CPVL: variants seen among roughly 807,000 people sequenced by gnomAD.
CPVL encodes the protein probable serine carboxypeptidase CPVL.
CPVL carries 51 observed loss-of-function variants against 63.7 expected under a neutral mutation model. The observed-to-expected ratio is 0.80, with a 90% CI of 0.64 to 1.01. The LOEUF is 1.01. Among genes scored for constraint, CPVL ranks in the 50% least tolerant of loss-of-function variants. The pLI, the probability that CPVL is intolerant of heterozygous loss-of-function variation, is 0.00. For missense variants in CPVL, 530 were observed against 573.1 expected, an observed-to-expected ratio of 0.92 and a Z score of 0.77; for synonymous variants, 195 against 206.0, an observed-to-expected ratio of 0.95 and a Z score of 0.46.
At chr7:29,113,517 T>C (rs950406591) in intron 2 of CPVL, among the ~76,000 whole-genome samples, 2 of 152,042 alleles carry the variant, frequency 1.3e-5, no homozygotes, top group African/African-American at 2.4e-5. Flanking sequence ...GAAGGAGTAA[T>C]TGGGGATGCT....
intron 4 of CPVL, among the ~76,000 whole-genome samples, chr7:29,183,549 G>T (rs1486991042): frequency 6.6e-6 from 1 of 151,432 alleles, no homozygotes; most frequent in Non-Finnish European, 1.5e-5. Context: ...GCTAACTTTT[G>T]TATTTTTAGT....
upstream of CPVL, chr7:29,147,193 G>T (rs1264087804): frequency 1.8e-6 from 1 of 558,118 alleles, no homozygotes; most frequent in Non-Finnish European, 3.1e-6. Flanking sequence ...ACGGGAGCAA[G>T]AACTAAAAAA....
chr7:29,132,333 C>T (rs909041559), intron 1 of CPVL, among the ~76,000 whole-genome samples: 3 of 152,216 alleles, frequency 2.0e-5, no homozygotes, highest in Non-Finnish European at 4.4e-5. Context: ...GAAAGCTAAC[C>T]TGTATTTTAG....
intron 2 of CPVL, among the ~76,000 whole-genome samples, chr7:29,115,481 G>A (rs920907309): frequency 2.0e-5 from 3 of 152,088 alleles, no homozygotes; most frequent in African/African-American, 7.2e-5. Context: ...CACTCTTCCC[G>A]CCATCTGTCG....
intron 5 of CPVL, among the ~76,000 whole-genome samples, chr7:29,163,489 C>T (rs1795479444): frequency 6.6e-6 from 1 of 152,052 alleles, no homozygotes; most frequent in Non-Finnish European, 1.5e-5. Context: ...TGAAAATTGA[C>T]ACATATGTTA....
intron 3 of CPVL, among the ~76,000 whole-genome samples, chr7:29,103,463 G>C (rs6979813): frequency 0.64 from 93,507 of 146,494 alleles, 30,359 homozygotes; most frequent in East Asian, 0.8. Flanking sequence ...CCATGTTGGT[G>C]AGGCTGGTCT....
At chr7:29,104,594 A>G (rs745563223) in intron 3 of CPVL, among the ~76,000 whole-genome samples, 13 of 152,158 alleles carry the variant, frequency 8.5e-5, no homozygotes, top group Non-Finnish European at 1.6e-4. Context: ...GCCTTCTTGC[A>G]TCATTCCGAA....
At chr7:29,165,623 C>T (rs910517058) in intron 5 of CPVL, among the ~76,000 whole-genome samples, 1 of 152,176 alleles carries the variant, frequency 6.6e-6, no homozygotes, top group Non-Finnish European at 1.5e-5. Context: ...GATATACTTG[C>T]ACTGTTCTTA....
chr7:29,123,075 C>T (rs1789538914), intron 1 of CPVL, among the ~76,000 whole-genome samples: 1 of 152,116 alleles, frequency 6.6e-6, no homozygotes, highest in Non-Finnish European at 1.5e-5. Context: ...AAAAGAGATA[C>T]ACAATTATGC....
At chr7:29,120,594 T>G (rs1189195104) in intron 2 of CPVL, among the ~76,000 whole-genome samples, 1 of 151,566 alleles carries the variant, frequency 6.6e-6, no homozygotes, top group African/African-American at 2.4e-5. Flanking sequence ...GAGGCCGAGG[T>G]GGGTGAATCT....
At chr7:29,096,972 GAGA>G (rs1435561052) in intron 3 of CPVL, among the ~76,000 whole-genome samples, 5 of 128,156 alleles carry the variant, frequency 3.9e-5, no homozygotes, top group Non-Finnish European at 6.3e-5. Context: ...GTGACAGAGC[GAGA>G]CTCTGTCTCA....
intron 5 of CPVL, among the ~76,000 whole-genome samples, chr7:29,166,647 C>G: frequency 6.6e-6 from 1 of 151,808 alleles, no homozygotes; most frequent in Admixed American, 6.6e-5. Context: ...AATATTATGG[C>G]AAAAAAGATG....
intron 12 of CPVL, chr7:29,001,335 A>G (rs1784614514): frequency 6.6e-6 from 1 of 152,192 alleles, no homozygotes; most frequent in African/African-American, 2.4e-5. Context: ...CCAGTATAGA[A>G]AGATGCATAC....
At chr7:28,998,654 T>C (rs570115566) in intron 12 of CPVL, among the ~76,000 whole-genome samples, 1 of 151,818 alleles carries the variant, frequency 6.6e-6, no homozygotes, top group South Asian at 2.1e-4. Context: ...CCAACACTTA[T>C]CTATATTGAA....
intron 1 of CPVL, among the ~76,000 whole-genome samples, chr7:29,138,830 T>TA (rs1205342207): frequency 7.9e-5 from 12 of 152,292 alleles, no homozygotes; most frequent in African/African-American, 2.9e-4. Context: ...CCACGGGCAC[T>TA]TGGCAGCAGC....
At position 29,142,528 on chromosome 7, in the gene CPVL, C is replaced by CTTTTT. The variant is rs10663904; in HGVS notation, c.-11+3896_-11+3900dup. ...TTCCTCCTTCTATGACTTCCAGATA[C>CTTTTT]TTTTTTTTTTTTTTTTGAGACACAG... On this transcript the variant is annotated intron_variant, in intron 1 of 12. Transcript: ENST00000265394. 9.5e-3 allele frequency among the ~76,000 whole-genome samples: 1,212 copies of CTTTTT among 127,556 alleles called. 59 individuals are homozygous for CTTTTT. The highest frequency in any genetic ancestry group is 0.027 in the African/African-American group (894 of 33,166). The allele number at this position is 127,556 out of a possible 152,430, so 83.7% of individuals were successfully genotyped here.
upstream of CPVL, chr7:29,146,685 C>T (rs1792739112): frequency 6.4e-7 from 1 of 1,550,542 alleles, no homozygotes; most frequent in African/African-American, 1.4e-5. Flanking sequence ...CTGGAAGAAG[C>T]AAGCAGCCCC....
chr7:29,028,475 C>T (rs974254063), intron 12 of CPVL, among the ~76,000 whole-genome samples: 2 of 152,042 alleles, frequency 1.3e-5, no homozygotes, highest in Admixed American at 6.5e-5. Flanking sequence ...GGTGATAAAA[C>T]CATAAACAGA....
chr7:29,187,216 T>G (rs2128750013), intron 1 of CPVL, among the ~76,000 whole-genome samples: 1 of 152,282 alleles, frequency 6.6e-6, no homozygotes, highest in East Asian at 1.9e-4. Context: ...GCAGAGAGCT[T>G]AAGTAATCTG....
Sources: allele counts gnomAD v4.1 joint callset (sites outside exome capture counted in the v4.1 genomes callset), GRCh38; gene constraint gnomAD v4.1.1; transcripts MANE v1.5; gene names NCBI Gene and HGNC (gene_info 2026-07-23, HGNC 2026-07-21).